The following TRPC6 variants were observed in gnomAD, a reference collection of about 807,000 sequenced individuals.
TRPC6 encodes the protein short transient receptor potential channel 6.
Under a neutral mutation model 90.7 loss-of-function variants are expected in TRPC6, and 55 were observed. The ratio of observed to expected loss-of-function variants is 0.61; its 90% CI spans 0.49 to 0.76. TRPC6 has a LOEUF of 0.76. Ranked by LOEUF, TRPC6 falls within the 30% of genes least tolerant of loss-of-function variation. The pLI, the probability that TRPC6 is intolerant of heterozygous loss-of-function variation, is 0.00. For missense variants in TRPC6, 989 were observed against 1,122.7 expected, an observed-to-expected ratio of 0.88 and a Z score of 1.70; for synonymous variants, 393 against 393.0, an observed-to-expected ratio of 1.00 and a Z score of 0.00.
chr11:101,529,195 C>A (rs1860851728), intron 1 of TRPC6, among the ~76,000 whole-genome samples: 1 of 152,122 alleles, frequency 6.6e-6, no homozygotes, highest in South Asian at 2.1e-4. Flanking sequence ...CTAGAAAGAT[C>A]AGAAAGGATG....
At chr11:101,485,126 T>C (rs1190703134) in intron 4 of TRPC6, among the ~76,000 whole-genome samples, 2 of 143,854 alleles carry the variant, frequency 1.4e-5, no homozygotes, top group Non-Finnish European at 3.1e-5. Flanking sequence ...GGCCAAAGAA[T>C]ACACACACAC....
chr11:101,468,374 T>C (rs920823874), intron 10 of TRPC6, among the ~76,000 whole-genome samples: 7 of 151,916 alleles, frequency 4.6e-5, no homozygotes, highest in Admixed American at 1.3e-4. Context: ...AGCTGGGAGG[T>C]TGGATATCAG....
intron 1 of TRPC6, among the ~76,000 whole-genome samples, chr11:101,521,487 C>A (rs911372730): frequency 3.7e-4 from 57 of 152,232 alleles, no homozygotes; most frequent in African/African-American, 1.4e-3. Context: ...GGGGCTGCGC[C>A]CTCATGAGGA....
intron 1 of TRPC6, among the ~76,000 whole-genome samples, chr11:101,551,957 G>A (rs558779616): frequency 1.3e-5 from 2 of 152,160 alleles, no homozygotes; most frequent in East Asian, 3.9e-4. Context: ...AGAAACTGGG[G>A]CTTGGGGAAC....
chr11:101,475,555 T>A (rs184465070), intron 6 of TRPC6, among the ~76,000 whole-genome samples: 134 of 152,260 alleles, frequency 8.8e-4, no homozygotes, highest in African/African-American at 3.1e-3. Flanking sequence ...AAGCTCTAAC[T>A]AATAAGTTAG....
intron 1 of TRPC6, among the ~76,000 whole-genome samples, chr11:101,573,921 CGT>C (rs58766729): frequency 0.015 from 1,997 of 131,966 alleles, 66 homozygotes; most frequent in African/African-American, 0.033. Flanking sequence ...GAAACAAATA[CGT>C]GTGTGTGTGT....
chr11:101,461,499 G>T (rs187518274), intron 10 of TRPC6, among the ~76,000 whole-genome samples: 1 of 152,180 alleles, frequency 6.6e-6, no homozygotes, highest in Non-Finnish European at 1.5e-5. Flanking sequence ...CTGAGCCTGG[G>T]AGGTCCAGGC....
intron 12 of TRPC6, 63 bp downstream of exon 12, chr11:101,453,587 T>C: frequency 1.3e-6 from 2 of 1,502,652 alleles, no homozygotes; most frequent in Non-Finnish European, 1.9e-6. Context: ...CTCCAGGCAC[T>C]CTGCGCTAGG....
chr11:101,486,532 T>G (rs931430254), intron 4 of TRPC6, among the ~76,000 whole-genome samples: 2 of 152,160 alleles, frequency 1.3e-5, no homozygotes, highest in African/African-American at 4.8e-5. Flanking sequence ...CTAAAATGAT[T>G]TGTAATTGCA....
intron 1 of TRPC6, among the ~76,000 whole-genome samples, chr11:101,513,032 G>C (rs1304009990): frequency 6.6e-6 from 1 of 152,192 alleles, no homozygotes; most frequent in Non-Finnish European, 1.5e-5. Flanking sequence ...CCACATCTAG[G>C]ACAATGTAGG....
At chr11:101,569,349 A>T (rs754774005) in intron 1 of TRPC6, among the ~76,000 whole-genome samples, 1 of 152,210 alleles carries the variant, frequency 6.6e-6, no homozygotes. Flanking sequence ...CCAATACAGG[A>T]GCACCCAGAT....
At chr11:101,474,455 TAAGA>T (rs1859366630) in intron 6 of TRPC6, among the ~76,000 whole-genome samples, 1 of 152,098 alleles carries the variant, frequency 6.6e-6, no homozygotes, top group Non-Finnish European at 1.5e-5. Flanking sequence ...AAACAGTGTG[TAAGA>T]AAGGGGAAAA....
chr11:101,533,923 T>C (rs1415168063), intron 1 of TRPC6, among the ~76,000 whole-genome samples: 1 of 152,178 alleles, frequency 6.6e-6, no homozygotes, highest in African/African-American at 2.4e-5. Context: ...CAGCTGATGA[T>C]CATCCACTCC....
intron 1 of TRPC6, among the ~76,000 whole-genome samples, chr11:101,562,940 C>A (rs1327193190): frequency 6.6e-6 from 1 of 152,156 alleles, no homozygotes; most frequent in Non-Finnish European, 1.5e-5. Flanking sequence ...ACGTGTAAAA[C>A]GCTTAGCATC....
chr11:101,527,940 AC>A (rs1039501381), intron 1 of TRPC6, among the ~76,000 whole-genome samples: 1 of 151,748 alleles, frequency 6.6e-6, no homozygotes. Context: ...GGGCATAGTG[AC>A]GGGCACCTGT....
chr11:101,548,456 T>TGA (rs1366335131), intron 1 of TRPC6, among the ~76,000 whole-genome samples: 5 of 89,386 alleles, frequency 5.6e-5, no homozygotes, highest in African/African-American at 8.8e-5. Flanking sequence ...TTATATATAC[T>TGA]GATATATATA....
At chr11:101,583,061 T>C (rs1432107486) in intron 1 of TRPC6, 2 of 541,112 alleles carry the variant, frequency 3.7e-6, no homozygotes, top group Non-Finnish European at 4.7e-6. Flanking sequence ...TCACCTGCAA[T>C]GGTGGTGTTA....
intron 1 of TRPC6, among the ~76,000 whole-genome samples, chr11:101,508,650 G>C (rs1175879869): frequency 6.6e-6 from 1 of 152,034 alleles, no homozygotes; most frequent in Non-Finnish European, 1.5e-5. Context: ...AAAGATTAGG[G>C]GGAGAGACAG....
chr11:101,546,057 T>C (rs370333563), intron 1 of TRPC6, among the ~76,000 whole-genome samples: 6 of 37,478 alleles, frequency 1.6e-4, no homozygotes, highest in African/African-American at 7.1e-4. Context: ...ACTCTTTTTT[T>C]TTTTTTTTTT....
Sources: allele counts gnomAD v4.1 joint callset (sites outside exome capture counted in the v4.1 genomes callset), GRCh38; gene constraint gnomAD v4.1.1; transcripts MANE v1.5; gene names NCBI Gene and HGNC (gene_info 2026-07-23, HGNC 2026-07-21).